The following HYDIN variants were observed in gnomAD, a reference collection of about 807,000 sequenced individuals.
The protein encoded by HYDIN is HYDIN axonemal central pair apparatus protein, also known as axonemal central pair apparatus protein HYDIN.
Under a neutral mutation model 403.9 loss-of-function variants are expected in HYDIN, and 132 were observed. The ratio of observed to expected loss-of-function variants is 0.33; its 90% confidence interval spans 0.28 to 0.38. The LOEUF (loss-of-function observed/expected upper bound fraction) is 0.38, where lower values mean the gene tolerates loss of function less well. HYDIN is among the 10% of genes least tolerant of loss of function. The pLI is 1.00. For missense variants in HYDIN, 2,827 were observed against 5,009.5 expected (o/e 0.56, Z 13.15); for synonymous variants, 1,202 against 1,891.7 (o/e 0.64, Z 9.46).
rs1262090587 is a variant in HYDIN, at chr16:70,803,225, C to A, written c.*4355G>T. 6.6e-6 allele frequency among the ~76,000 whole-genome samples: 1 copy of A among 152,090 alleles called. No homozygotes were observed. Among genetic ancestry groups the A allele is most frequent in the Admixed American group, 6.5e-5 (1 of 15,270 alleles). On this transcript the variant is annotated 3_prime_UTR_variant, in exon 86 of 86. Coordinates refer to ENST00000393567, the MANE Select transcript of HYDIN (RefSeq NM_001270974.2). The stretch of plus-strand genomic sequence containing the variant: ...TATTCTGGCTCAGGTTGCTAAGTAA[C>A]CAGTTTTTTATTCAAGGCCCAGACC...
rs2078536107 is a variant in HYDIN, at chr16:70,965,177, C to A, written c.5620-281G>T. ...TTCTTCTTGTTTTAAAACTAATATACACTCTTTTCCTTTCTTCCCCATGAC... is the reference window on the plus strand; with the variant it reads ...TTCTTCTTGTTTTAAAACTAATATAAACTCTTTTCCTTTCTTCCCCATGAC... On this transcript the variant is annotated intron_variant, in intron 36 of 85. Coordinates refer to ENST00000393567, the MANE Select transcript of HYDIN (RefSeq NM_001270974.2). Among the ~76,000 whole-genome samples, 4 of 152,260 alleles carry A rather than the reference C, an allele frequency of 2.6e-5. 1 individual carries two copies. In the East Asian group the frequency reaches 5.8e-4, roughly 22 times the overall value.
chr16:71,005,147 AT>A lies in HYDIN; in HGVS notation c.3645-12938del, dbSNP rs540539535. On this transcript the variant is annotated intron_variant, in intron 23 of 85. Transcript: ENST00000393567. ...CATAACTGTAGCATGGGACCAGAAG[AT>A]TTTTTTTAGTGCAGTGTTCTACATA... Among the ~76,000 whole-genome samples, 59 of 152,196 alleles carry A rather than the reference AT, an allele frequency of 3.9e-4. 1 individual carries two copies. In the East Asian group the frequency reaches 0.011, roughly 27 times the overall value.
At chr16:70,824,725 T>C (rs1451279803) in intron 83 of HYDIN, among the ~76,000 whole-genome samples, 3 of 151,558 alleles carry the variant, frequency 2.0e-5, no homozygotes, top group Non-Finnish European at 4.4e-5. Context: ...CCTCCCAAAG[T>C]GCTGGAATTA....
chr16:71,038,385 A>G (rs2081168095), intron 18 of HYDIN, among the ~76,000 whole-genome samples: 1 of 152,114 alleles, frequency 6.6e-6, no homozygotes, highest in Non-Finnish European at 1.5e-5. Flanking sequence ...GCAGAAGTGA[A>G]CACCATTGTT....
intron 7 of HYDIN, among the ~76,000 whole-genome samples, chr16:71,137,728 T>TCAAG (rs2084987568): frequency 1.3e-5 from 2 of 152,130 alleles, no homozygotes; most frequent in South Asian, 4.1e-4. Context: ...GCTTGATTTG[T>TCAAG]CATTCTTAAA....
intron 73 of HYDIN, among the ~76,000 whole-genome samples, chr16:70,853,011 T>TAAAAAAA (rs77008189): frequency 7.6e-6 from 1 of 131,020 alleles, no homozygotes; most frequent in Non-Finnish European, 1.6e-5. Flanking sequence ...CCATCTCTAC[T>TAAAAAAA]AAAAAAAAAA....
intron 1 of HYDIN, among the ~76,000 whole-genome samples, chr16:71,198,795 T>C (rs1160952611): frequency 6.6e-6 from 1 of 152,204 alleles, no homozygotes; most frequent in East Asian, 1.9e-4. Context: ...TCACTTCATG[T>C]GATCTGTTGT....
Position 70,837,793 on chromosome 16 carries a change from A to G in HYDIN, c.13139T>C (p.Phe4380Ser). Reference protein sequence around the residue: ...PGNTLEIPITFYPRESINYQE... With the variant: ...PGNTLEIPITSYPRESINYQE... ...ATAGTTGATACTTTCTCGAGGATAAAAAGTTATTGGAATCTCCAATGTGTT... is the reference window on the plus strand; with the variant it reads ...ATAGTTGATACTTTCTCGAGGATAAGAAGTTATTGGAATCTCCAATGTGTT... The change falls in exon 77 of 86, where the codon TTT becomes TCT. Residue 4380 changes from phenylalanine (F) to serine (S), a missense_variant. Phe to Ser is a radical substitution (Grantham distance 155). Transcript: ENST00000393567. The G allele has an allele frequency of 6.2e-7, 1 of 1,613,964 alleles. No homozygotes were observed. The highest frequency in any genetic ancestry group is 8.5e-7 in the Non-Finnish European group (1 of 1,179,852).
chr16:70,955,737 G>A (rs1733971092), intron 39 of HYDIN, among the ~76,000 whole-genome samples, 189 bp from the exon 40 acceptor site: 1 of 152,162 alleles, frequency 6.6e-6, no homozygotes, highest in African/African-American at 2.4e-5. Context: ...CTGTGGGTCT[G>A]ATTCTAACCC....
At chr16:70,989,656 A>G (rs1054638009) in intron 25 of HYDIN, among the ~76,000 whole-genome samples, 26 of 152,324 alleles carry the variant, frequency 1.7e-4, no homozygotes, top group African/African-American at 6.0e-4. Context: ...TAGAAAGTTG[A>G]TTGTACATGA....
chr16:70,954,719 T>C (rs2078179322), intron 40 of HYDIN, among the ~76,000 whole-genome samples: 1 of 152,220 alleles, frequency 6.6e-6, no homozygotes, highest in South Asian at 2.1e-4. Context: ...TATCGCTTCC[T>C]TTACATGATA....
At position 71,029,166 on chromosome 16, in the gene HYDIN, C is replaced by T. The variant is rs528951504; in HGVS notation, c.2769-1291G>A. ...AGGGCTAAACAACAAATATTTTAGG[C>T]TTTTTGGGCCACACGGTCTCTGTAA... On this transcript the variant is annotated intron_variant, in intron 19 of 85. Coordinates refer to ENST00000393567, the MANE Select transcript of HYDIN (RefSeq NM_001270974.2). Among the ~76,000 whole-genome samples the T allele has an allele frequency of 3.3e-5, 5 of 152,040 alleles. No homozygotes were observed. The East Asian group carries it at 9.7e-4, about 29-fold the overall frequency.
At chr16:71,067,477 T>C (rs2082314160) in intron 14 of HYDIN, 87 bp from the exon 15 acceptor site, 1 of 714,522 alleles carries the variant, frequency 1.4e-6, no homozygotes, top group Admixed American at 2.7e-5. Context: ...ACTACGCTGA[T>C]CAGAGTGGTT....
chr16:70,822,545 C>T (rs541327445), intron 83 of HYDIN, among the ~76,000 whole-genome samples: 7 of 152,330 alleles, frequency 4.6e-5, no homozygotes, highest in East Asian at 3.9e-4. Context: ...GGACTGACTC[C>T]GATTTTGAAA....
In HYDIN at chr16:70,868,747, C is replaced by T; in HGVS notation, c.11133G>A (p.Val3711=). The T allele has an allele frequency of 6.2e-7, 1 of 1,613,958 alleles. No individual in the cohort carries two copies. Among genetic ancestry groups the T allele is most frequent in the Non-Finnish European group, 8.5e-7 (1 of 1,179,968 alleles). ...TGATGGGTACATCTGACTTCATGGT[C>T]ACCACTATGTCCTTGGCACACCCAG... ...LHPGCAKDIV[V]TMKSDVPINL... The change falls in exon 66 of 86, where the codon GTG becomes GTA. Residue 3711 remains valine, a synonymous_variant. Transcript: ENST00000393567.
rs938503792 is a variant in HYDIN at position 71,066,455 on chromosome 16, C to T, written c.2075+835G>A. ...AAAGTGTATGTCTTCCTAAGATTCA[C>T]AAGAGATCAGAATTCCAGAGATTGA... On this transcript the variant is annotated intron_variant, in intron 15 of 85. Transcript: ENST00000393567. The T allele has an allele frequency of 3.1e-3, 497 of 159,744 alleles. 4 individuals are homozygous for T. The highest frequency in any genetic ancestry group is 4.4e-3 in the Non-Finnish European group (320 of 72,734). The allele number at this position is 159,744 out of a possible 1,614,324, so 9.9% of individuals were successfully genotyped here.
At chr16:71,092,805 T>C (rs981043648) in intron 11 of HYDIN, among the ~76,000 whole-genome samples, 1 of 140,462 alleles carries the variant, frequency 7.1e-6, no homozygotes, top group African/African-American at 2.9e-5. Flanking sequence ...GGTCTTGAAC[T>C]CCTGACCTCA....
At chr16:71,201,969 T>G (rs766767256) in intron 1 of HYDIN, among the ~76,000 whole-genome samples, 8 of 152,264 alleles carry the variant, frequency 5.3e-5, no homozygotes, top group Non-Finnish European at 1.2e-4. Context: ...CAAAAGCAGT[T>G]TTTGATGGTC....
chr16:71,151,123 C>G (rs2085521354), intron 7 of HYDIN, among the ~76,000 whole-genome samples: 2 of 152,196 alleles, frequency 1.3e-5, no homozygotes. Flanking sequence ...TCTTGGAAAA[C>G]TGATGCCCCA....
Sources: allele counts gnomAD v4.1 joint callset (sites outside exome capture counted in the v4.1 genomes callset), GRCh38; gene constraint gnomAD v4.1.1; transcripts MANE v1.5; gene names NCBI Gene and HGNC (gene_info 2026-07-23, HGNC 2026-07-21).